The following LRRIQ1 variants were observed in gnomAD, a reference collection of about 807,000 sequenced individuals.
The protein encoded by LRRIQ1 is leucine rich repeats and IQ motif containing 1, also known as leucine-rich repeat- and IQ domain-containing protein 1.
In LRRIQ1, 210 loss-of-function variants were observed where a neutral mutation model predicts 211.9. The observed-to-expected ratio is 0.99, with a 90% CI of 0.89 to 1.11. The LOEUF (loss-of-function observed/expected upper bound fraction) is 1.11. Ranked by LOEUF, LRRIQ1 falls within the 50% of genes most tolerant of loss-of-function variation. LRRIQ1 has a pLI of 0.00. For synonymous variants in LRRIQ1, 699 were observed against 650.1 expected (o/e 1.08, Z -1.14); for missense variants, 2,136 against 1,939.5 (o/e 1.10, Z -1.90).
At chr12:85,162,504 A>G (rs1276261931) in intron 24 of LRRIQ1, among the ~76,000 whole-genome samples, 1 of 152,190 alleles carries the variant, frequency 6.6e-6, no homozygotes, top group Non-Finnish European at 1.5e-5. Context: ...AATTTAACAC[A>G]TATCTCAGAC....
At chr12:85,196,203 C>G (rs1892901744) in intron 24 of LRRIQ1, among the ~76,000 whole-genome samples, 2 of 152,070 alleles carry the variant, frequency 1.3e-5, no homozygotes, top group Admixed American at 1.3e-4. Context: ...AAGAACATAC[C>G]ATGCTCATGG....
intron 8 of LRRIQ1, among the ~76,000 whole-genome samples, chr12:85,064,049 A>G (rs1882150782): frequency 6.6e-6 from 1 of 151,800 alleles, no homozygotes; most frequent in Admixed American, 6.6e-5. Context: ...TCGGCTATAT[A>G]CCTAGCAGCA....
chr12:85,082,266 T>TA (rs1884376194), intron 11 of LRRIQ1, among the ~76,000 whole-genome samples: 1 of 152,182 alleles, frequency 6.6e-6, no homozygotes, highest in Non-Finnish European at 1.5e-5. Context: ...ACCAATGCAG[T>TA]TAAGAATGCT....
At chr12:85,197,951 AATTAT>A (rs1358074013) in intron 24 of LRRIQ1, among the ~76,000 whole-genome samples, 1 of 111,592 alleles carries the variant, frequency 9.0e-6, no homozygotes, top group South Asian at 2.3e-4. Flanking sequence ...ATTTATATAT[AATTAT>A]ATATTATATA....
At chr12:85,038,821 C>T (rs1451588847) in intron 2 of LRRIQ1, among the ~76,000 whole-genome samples, 1 of 151,286 alleles carries the variant, frequency 6.6e-6, no homozygotes, top group African/African-American at 2.4e-5. Context: ...TAATTTTTCT[C>T]AATTGATTTA....
At chr12:85,255,466 G>A (rs1339545900) in intron 1 of LRRIQ1, among the ~76,000 whole-genome samples, 1 of 151,606 alleles carries the variant, frequency 6.6e-6, no homozygotes, top group African/African-American at 2.4e-5. Context: ...ACAATAAAAT[G>A]GTAATATCTT....
intron 24 of LRRIQ1, among the ~76,000 whole-genome samples, chr12:85,196,283 A>G (rs1014686553): frequency 5.9e-5 from 9 of 152,156 alleles, no homozygotes; most frequent in Admixed American, 5.9e-4. Flanking sequence ...TGCCATCCCC[A>G]TCAAGCTACC....
At chr12:85,210,330 T>C (rs552036078) in intron 24 of LRRIQ1, among the ~76,000 whole-genome samples, 17 of 152,306 alleles carry the variant, frequency 1.1e-4, no homozygotes, top group African/African-American at 4.1e-4. Context: ...AGCATATTTC[T>C]TGCCAATGCT....
chr12:85,142,814 T>A (rs1242134610), intron 19 of LRRIQ1, among the ~76,000 whole-genome samples: 1 of 151,652 alleles, frequency 6.6e-6, no homozygotes, highest in Non-Finnish European at 1.5e-5. Flanking sequence ...ATCTTTTTTA[T>A]GGATGGATAA....
chr12:85,187,914 A>G (rs374302667), intron 24 of LRRIQ1, among the ~76,000 whole-genome samples: 68 of 152,114 alleles, frequency 4.5e-4, no homozygotes, highest in African/African-American at 1.5e-3. Context: ...ACAGAGCACA[A>G]TTTAAAACCC....
downstream of LRRIQ1, among the ~76,000 whole-genome samples, chr12:85,245,878 C>CAT (rs903521537): frequency 8.0e-5 from 12 of 150,040 alleles, no homozygotes; most frequent in African/African-American, 2.0e-4. Flanking sequence ...TACATATATA[C>CAT]ATATATATAT....
At chr12:85,227,557 G>A (rs1425525086) in intron 24 of LRRIQ1, among the ~76,000 whole-genome samples, 1 of 152,028 alleles carries the variant, frequency 6.6e-6, no homozygotes, top group East Asian at 1.9e-4. Flanking sequence ...AAGTTCTCAT[G>A]AATAGGAAGA....
rs12314222 is a variant in LRRIQ1, at chr12:85,120,622, A to G, written c.3378-1075A>G. Among the ~76,000 whole-genome samples, 1,158 of 152,342 alleles carry G rather than the reference A, an allele frequency of 7.6e-3. 19 individuals carry two copies. Among genetic ancestry groups the G allele is most frequent in the African/African-American group, 0.026 (1,090 of 41,570 alleles). ...TAATCTATAGATCAATAAGGGAATA[A>G]CTTATATCTGGACAATATTGAGTCT... On this transcript the variant is annotated intron_variant, in intron 15 of 26. Transcript: ENST00000393217.
At chr12:85,119,709 A>G (rs1887834167) in intron 15 of LRRIQ1, among the ~76,000 whole-genome samples, 1 of 152,164 alleles carries the variant, frequency 6.6e-6, no homozygotes, top group African/African-American at 2.4e-5. Flanking sequence ...TTATTCTAAT[A>G]GGTACGTAGT....
chr12:85,156,938 A>C (rs1890582772), intron 23 of LRRIQ1, among the ~76,000 whole-genome samples: 1 of 151,908 alleles, frequency 6.6e-6, no homozygotes, highest in Non-Finnish European at 1.5e-5. Context: ...GAAGTATGGT[A>C]GCTTTAATTC....
At chr12:85,042,270 G>T (rs902146897) in intron 3 of LRRIQ1, among the ~76,000 whole-genome samples, 11 of 151,194 alleles carry the variant, frequency 7.3e-5, no homozygotes, top group African/African-American at 2.4e-4. Flanking sequence ...TTTCTAATAA[G>T]ATCAAATAAA....
intron 15 of LRRIQ1, among the ~76,000 whole-genome samples, chr12:85,118,318 G>T (rs1439056657): frequency 6.6e-6 from 1 of 152,036 alleles, no homozygotes; most frequent in Non-Finnish European, 1.5e-5. Flanking sequence ...AAAGCGTCAA[G>T]ATTTTTATCT....
intron 1 of LRRIQ1, among the ~76,000 whole-genome samples, chr12:85,255,923 C>T (rs1223858188): frequency 1.3e-5 from 2 of 151,726 alleles, no homozygotes; most frequent in Admixed American, 1.3e-4. Context: ...GGTTAGTGGA[C>T]TCATGTAATA....
At chr12:85,104,953 A>G (rs187518925) in intron 14 of LRRIQ1, among the ~76,000 whole-genome samples, 7 of 152,052 alleles carry the variant, frequency 4.6e-5, no homozygotes, top group South Asian at 2.1e-4. Context: ...ATAATTTACT[A>G]TGTTATCTCA....
Sources: gnomAD v4.1 joint callset for allele counts (sites outside exome capture counted in the v4.1 genomes callset) on GRCh38, gnomAD v4.1.1 for gene constraint, MANE v1.5 for transcripts, NCBI Gene and HGNC (gene_info 2026-07-23, HGNC 2026-07-21) for gene names.